Variants in PLEKHA2 observed in about 807,000 individuals in gnomAD.
PLEKHA2 encodes the protein pleckstrin homology domain containing A2.
In PLEKHA2, 28 loss-of-function variants were observed where a neutral mutation model predicts 53.2. The ratio of observed to expected loss-of-function variants is 0.53; its 90% CI spans 0.39 to 0.72. The LOEUF (loss-of-function observed/expected upper bound fraction) is 0.72, where lower values mean the gene tolerates loss of function less well. PLEKHA2 is among the 30% of genes least tolerant of loss of function. The probability of loss-of-function intolerance (pLI) is 0.00; values close to 1 mark genes in which losing one functional copy is unlikely to be tolerated. For synonymous variants in PLEKHA2, 193 were observed against 196.4 expected, an observed-to-expected ratio of 0.98 and a Z score of 0.14; for missense variants, 426 against 537.9, an observed-to-expected ratio of 0.79 and a Z score of 2.06.
At chr8:38,927,046 G>T (rs900304718) in intron 2 of PLEKHA2, among the ~76,000 whole-genome samples, 3 of 152,222 alleles carry the variant, frequency 2.0e-5, no homozygotes, top group African/African-American at 7.2e-5. Context: ...AAACTTAGCA[G>T]AGGTTAAATA....
intron 11 of PLEKHA2, 40 bp downstream of exon 11, chr8:38,968,709 G>A: frequency 6.2e-7 from 1 of 1,603,176 alleles, no homozygotes; most frequent in Non-Finnish European, 8.5e-7. Context: ...TCAACTCAGA[G>A]ATGAATTCCT....
chr8:38,930,636 C>T (rs756335112), intron 2 of PLEKHA2, among the ~76,000 whole-genome samples: 20 of 139,056 alleles, frequency 1.4e-4, no homozygotes, highest in African/African-American at 2.5e-4. Context: ...CAGCGAGGCA[C>T]GGCACCCCAC....
chr8:38,965,068 T>G (rs988409944), intron 10 of PLEKHA2, among the ~76,000 whole-genome samples: 1 of 152,130 alleles, frequency 6.6e-6, no homozygotes, highest in Non-Finnish European at 1.5e-5. Flanking sequence ...TTGTCTTTAA[T>G]GAGCCCTTAT....
At chr8:38,941,890 A>T (rs1381456861) in intron 3 of PLEKHA2, among the ~76,000 whole-genome samples, 1 of 152,172 alleles carries the variant, frequency 6.6e-6, no homozygotes, top group Non-Finnish European at 1.5e-5. Flanking sequence ...TTGATCTTTT[A>T]TAAGGTGCCA....
At chr8:38,928,014 G>C (rs180932332) in intron 2 of PLEKHA2, among the ~76,000 whole-genome samples, 56 of 152,120 alleles carry the variant, frequency 3.7e-4, no homozygotes, top group African/African-American at 1.3e-3. Flanking sequence ...TGGTTGACTG[G>C]GGAGAGGAGG....
chr8:38,922,637 C>T lies in PLEKHA2; in HGVS notation c.141+4567C>T, dbSNP rs1322828119. ...GTAATAAGCAGAAGATTTTTGGACC[C>T]AGGTCTCCGATCTTTGTGTGTTGAA... is the stretch of plus-strand genomic sequence containing the variant. On this transcript the variant is annotated intron_variant, in intron 2 of 11. Coordinates refer to ENST00000617275, the MANE Select transcript of PLEKHA2 (RefSeq NM_021623.2). The surrounding 1 kb of genome is among the most constrained non-coding windows in gnomAD (Gnocchi z 4.0). Among the ~76,000 whole-genome samples the T allele has an allele frequency of 6.6e-6, 1 of 152,186 alleles. No homozygotes were observed. The highest frequency in any genetic ancestry group is 1.5e-5 in the Non-Finnish European group (1 of 68,030).
At chr8:38,950,250 T>C (rs1834802776) in intron 5 of PLEKHA2, among the ~76,000 whole-genome samples, 2 of 152,014 alleles carry the variant, frequency 1.3e-5, no homozygotes, top group Non-Finnish European at 2.9e-5. Flanking sequence ...CCCAGGCTGG[T>C]CTTGAACTCC....
At chr8:38,904,984 C>A (rs1833848155) in intron 1 of PLEKHA2, among the ~76,000 whole-genome samples, 1 of 152,186 alleles carries the variant, frequency 6.6e-6, no homozygotes, top group Non-Finnish European at 1.5e-5. Flanking sequence ...GCAATTATCT[C>A]CATTTTGCAG....
rs1434344793 is a variant in PLEKHA2, at chr8:38,970,086, C to T, written c.*303C>T. 6.4e-6 allele frequency: 3 copies of T among 470,912 alleles called. No homozygotes were observed. Among genetic ancestry groups the T allele is most frequent in the Middle Eastern group, 5.2e-4 (1 of 1,918 alleles). 29.2% of individuals were successfully genotyped at this position (470,912 alleles called of 1,614,324 possible). ...CTATTCTAACTATTCTGAGGTCTTCCTGGAGAGGGATTGTTTTAGCAGCTC... is the reference window on the plus strand; with the variant it reads ...CTATTCTAACTATTCTGAGGTCTTCTTGGAGAGGGATTGTTTTAGCAGCTC... On this transcript the variant is annotated 3_prime_UTR_variant, in exon 12 of 12. Transcript: ENST00000617275.
At chr8:38,953,543 C>T (rs1834884866) in intron 9 of PLEKHA2, among the ~76,000 whole-genome samples, 176 bp downstream of exon 9, 2 of 152,186 alleles carry the variant, frequency 1.3e-5, no homozygotes, top group Admixed American at 1.3e-4. Flanking sequence ...GAGGAGACCG[C>T]CCTGGGCACA....
Position 38,905,352 on chromosome 8 carries a change from G to A in PLEKHA2, c.-24+3907G>A, listed in dbSNP as rs111700104. ...GTGCGCCTGTAGTCCCAGCTACTCGGGAGGCTATAGCAGGAGGATTTTTTG... is the reference window on the plus strand; with the variant it reads ...GTGCGCCTGTAGTCCCAGCTACTCGAGAGGCTATAGCAGGAGGATTTTTTG... On this transcript the variant is annotated intron_variant, in intron 1 of 11. Transcript: ENST00000617275. 3.1e-3 allele frequency among the ~76,000 whole-genome samples: 466 copies of A among 152,100 alleles called. 1 individual carries two copies. The highest frequency in any genetic ancestry group is 0.01 in the African/African-American group (432 of 41,468).
At chr8:38,958,190 G>A (rs1588274536) in intron 10 of PLEKHA2, among the ~76,000 whole-genome samples, 1 of 152,240 alleles carries the variant, frequency 6.6e-6, no homozygotes, top group East Asian at 1.9e-4. Flanking sequence ...AGCTGGACAT[G>A]GTGGTGTCTG....
At chr8:38,950,065 A>G (rs1834798545) in intron 5 of PLEKHA2, among the ~76,000 whole-genome samples, 1 of 151,842 alleles carries the variant, frequency 6.6e-6, no homozygotes, top group African/African-American at 2.4e-5. Flanking sequence ...ATTTTTTTCG[A>G]GACAGGGTCT....
chr8:38,930,934 C>T (rs1311231599), intron 2 of PLEKHA2, among the ~76,000 whole-genome samples: 1 of 152,184 alleles, frequency 6.6e-6, no homozygotes, highest in South Asian at 2.1e-4. Context: ...GTATCCCAGA[C>T]GAGTTCAAAC....
At chr8:38,957,282 A>G (rs1390358527) in intron 9 of PLEKHA2, 41 bp from the exon 10 acceptor site, 1 of 1,526,518 alleles carries the variant, frequency 6.6e-7, no homozygotes, top group Admixed American at 1.7e-5. Flanking sequence ...CTCTCTGAGT[A>G]TGTCAGCACG....
At chr8:38,910,183 TTGGGCTCAAG>T (rs1271088556) in intron 1 of PLEKHA2, among the ~76,000 whole-genome samples, 1 of 152,124 alleles carries the variant, frequency 6.6e-6, no homozygotes, top group Non-Finnish European at 1.5e-5. Context: ...TCTCAAACTC[TTGGGCTCAAG>T]TGATCAGCCC....
chr8:38,935,600 G>A (rs948253491), intron 2 of PLEKHA2, among the ~76,000 whole-genome samples: 2 of 151,996 alleles, frequency 1.3e-5, no homozygotes, highest in African/African-American at 2.4e-5. Flanking sequence ...TAAAATTTTT[G>A]TAGAGATGGG....
chr8:38,930,791 G>A (rs547337902), intron 2 of PLEKHA2, among the ~76,000 whole-genome samples: 20 of 152,210 alleles, frequency 1.3e-4, no homozygotes, highest in Admixed American at 6.5e-4. Flanking sequence ...GCTGGCTGGC[G>A]TAGCCTTTTC....
At chr8:38,921,142 T>G (rs926958645) in intron 2 of PLEKHA2, among the ~76,000 whole-genome samples, 2 of 152,010 alleles carry the variant, frequency 1.3e-5, no homozygotes, top group African/African-American at 4.8e-5. Flanking sequence ...TTGGCTGGAG[T>G]TAAATGTTTG....
Sources: gnomAD v4.1 joint callset for allele counts (sites outside exome capture counted in the v4.1 genomes callset) on GRCh38, gnomAD v4.1.1 for gene constraint, Gnocchi (gnomAD v3.1) non-coding constraint, MANE v1.5 for transcripts, NCBI Gene and HGNC (gene_info 2026-07-23, HGNC 2026-07-21) for gene names.